Variants in SUMF1 observed in about 807,000 individuals in gnomAD.
SUMF1 encodes the protein sulfatase modifying factor 1.
SUMF1 carries 48 observed loss-of-function variants against 47.6 expected under a neutral mutation model. The observed-to-expected ratio is 1.01, with a 90% CI of 0.80 to 1.28. The LOEUF is 1.28. Among genes scored for constraint, SUMF1 ranks in the 50% most tolerant of loss-of-function variants. SUMF1 has a pLI of 0.00. For missense variants in SUMF1, 571 were observed against 485.4 expected, an observed-to-expected ratio of 1.18 and a Z score of -1.66; for synonymous variants, 230 against 192.1, an observed-to-expected ratio of 1.20 and a Z score of -1.63.
intron 9 of SUMF1, among the ~76,000 whole-genome samples, chr3:4,035,368 G>C (rs922534565): frequency 6.6e-6 from 1 of 152,088 alleles, no homozygotes; most frequent in Non-Finnish European, 1.5e-5. Flanking sequence ...TCATTGGCTT[G>C]TGGCTCTATC....
At chr3:4,080,483 T>C (rs756992221) in intron 8 of SUMF1, among the ~76,000 whole-genome samples, 7 of 152,082 alleles carry the variant, frequency 4.6e-5, no homozygotes, top group Non-Finnish European at 8.8e-5. Flanking sequence ...TTGAATCCAA[T>C]GCAATGTACC....
At chr3:4,435,641 A>C (rs950607243) in intron 3 of SUMF1, among the ~76,000 whole-genome samples, 1 of 152,234 alleles carries the variant, frequency 6.6e-6, no homozygotes, top group African/African-American at 2.4e-5. Flanking sequence ...AACTTGAAGG[A>C]AGACATAAAA....
intron 3 of SUMF1, among the ~76,000 whole-genome samples, chr3:4,425,727 T>C (rs1702047670): frequency 6.6e-6 from 1 of 152,152 alleles, no homozygotes; most frequent in South Asian, 2.1e-4. Context: ...GGGAGTGTAT[T>C]AGTCCATTCT....
intron 8 of SUMF1, among the ~76,000 whole-genome samples, chr3:4,350,696 A>G (rs753550333): frequency 1.3e-5 from 2 of 152,218 alleles, no homozygotes; most frequent in Non-Finnish European, 2.9e-5. Context: ...GAAAATGATT[A>G]CAGTAAAAAG....
intron 8 of SUMF1, chr3:4,313,703 C>A: frequency 3.1e-6 from 5 of 1,613,996 alleles, no homozygotes; most frequent in Non-Finnish European, 4.2e-6. Flanking sequence ...GAGAAGGAAC[C>A]CAGCATGTGT....
intron 8 of SUMF1, among the ~76,000 whole-genome samples, chr3:4,246,904 A>G (rs893120262): frequency 2.0e-5 from 3 of 152,188 alleles, no homozygotes; most frequent in African/African-American, 7.2e-5. Context: ...TTTTAATTAT[A>G]TATTTCCTTA....
intron 8 of SUMF1, among the ~76,000 whole-genome samples, chr3:4,136,900 T>C (rs1375066163): frequency 3.9e-5 from 6 of 152,046 alleles, no homozygotes; most frequent in Admixed American, 1.3e-4. Flanking sequence ...ATCAGAGAAA[T>C]GCAAATCAAA....
intron 8 of SUMF1, among the ~76,000 whole-genome samples, chr3:4,251,565 A>T (rs1419136386): frequency 2.0e-5 from 3 of 152,228 alleles, no homozygotes; most frequent in Admixed American, 2.0e-4. Context: ...AAGTCCATTG[A>T]TGTGGCAAGC....
intron 8 of SUMF1, among the ~76,000 whole-genome samples, chr3:4,073,522 T>C (rs1180541478): frequency 6.6e-6 from 1 of 152,132 alleles, no homozygotes; most frequent in Non-Finnish European, 1.5e-5. Context: ...AATGCTGCAA[T>C]TAAAAGACAC....
chr3:4,341,244 G>A (rs73016214), intron 8 of SUMF1, among the ~76,000 whole-genome samples: 30,261 of 150,906 alleles, frequency 0.2, 3,315 homozygotes, highest in African/African-American at 0.3. Flanking sequence ...TAAAAAAAAA[G>A]AAAAAGAAAA....
chr3:4,458,048 G>A (rs1226027230), intron 1 of SUMF1, among the ~76,000 whole-genome samples: 1 of 152,024 alleles, frequency 6.6e-6, no homozygotes, highest in Non-Finnish European at 1.5e-5. Flanking sequence ...AGAAAACAAA[G>A]AACTCAATTT....
chr3:4,303,551 G>T, intron 8 of SUMF1: 2 of 1,343,974 alleles, frequency 1.5e-6, no homozygotes, highest in Non-Finnish European at 1.9e-6. Flanking sequence ...AGGCGGCGCG[G>T]GAGGCGGGCG....
chr3:4,180,366 A>G (rs1695066719), intron 8 of SUMF1, among the ~76,000 whole-genome samples: 1 of 152,142 alleles, frequency 6.6e-6, no homozygotes. Flanking sequence ...ATGCAGCCAT[A>G]AAAAAGGATG....
chr3:4,282,183 T>C (rs184403664), intron 8 of SUMF1, among the ~76,000 whole-genome samples: 9 of 152,278 alleles, frequency 5.9e-5, no homozygotes, highest in Admixed American at 2.6e-4. Flanking sequence ...GTAATCCCTA[T>C]TATCATTTTG....
intron 6 of SUMF1, among the ~76,000 whole-genome samples, chr3:4,416,021 G>A (rs1414266648): frequency 6.6e-6 from 1 of 152,112 alleles, no homozygotes; most frequent in Admixed American, 6.6e-5. Flanking sequence ...AAATTATCCA[G>A]TCTGTAGTAT....
intron 8 of SUMF1, among the ~76,000 whole-genome samples, chr3:4,136,420 G>T (rs1180952194): frequency 3.3e-5 from 5 of 152,130 alleles, no homozygotes; most frequent in African/African-American, 9.7e-5. Context: ...CTAGCCATAT[G>T]TAGAAAGCTG....
chr3:4,362,957 T>C (rs994366422), intron 8 of SUMF1, among the ~76,000 whole-genome samples: 5 of 151,898 alleles, frequency 3.3e-5, no homozygotes, highest in Non-Finnish European at 5.9e-5. Context: ...AGGCAGAATA[T>C]AAAGGTGTAT....
chr3:4,368,743 C>T (rs1307866987), intron 8 of SUMF1, among the ~76,000 whole-genome samples: 2 of 152,194 alleles, frequency 1.3e-5, no homozygotes, highest in Non-Finnish European at 2.9e-5. Context: ...ACGCACATAT[C>T]CCTGACTACC....
intron 8 of SUMF1, among the ~76,000 whole-genome samples, chr3:4,253,705 A>G (rs1331174166): frequency 3.3e-5 from 5 of 149,922 alleles, no homozygotes; most frequent in East Asian, 1.9e-4. Flanking sequence ...GCCATTGGCC[A>G]GGCTTGATTA....
Sources: gnomAD v4.1 joint callset for allele counts (sites outside exome capture counted in the v4.1 genomes callset) on GRCh38, gnomAD v4.1.1 for gene constraint, MANE v1.5 for transcripts, NCBI Gene and HGNC (gene_info 2026-07-23, HGNC 2026-07-21) for gene names.